The following LRP1B variants were observed in gnomAD, a reference collection of about 807,000 sequenced individuals.
LRP1B encodes the protein LDL receptor related protein 1B.
In LRP1B, 217 loss-of-function variants were observed where a neutral mutation model predicts 556.6. That is an observed-to-expected ratio of 0.39 (90% CI 0.35 to 0.44). LRP1B has a LOEUF of 0.44. Ranked by LOEUF, LRP1B falls within the 20% of genes least tolerant of loss-of-function variation. The probability of loss-of-function intolerance (pLI) is 1.00; values close to 1 mark genes in which losing one functional copy is unlikely to be tolerated. For missense variants in LRP1B, 5,053 were observed against 5,620.8 expected (o/e 0.90, Z 3.23); for synonymous variants, 2,047 against 1,865.8 (o/e 1.10, Z -2.50).
At chr2:141,699,035 TTC>T (rs1691840410) in intron 2 of LRP1B, among the ~76,000 whole-genome samples, 1 of 152,038 alleles carries the variant, frequency 6.6e-6, no homozygotes, top group African/African-American at 2.4e-5. Context: ...TCTTCTCTCA[TTC>T]TCTCTGTCTT....
chr2:140,283,992 TA>T (rs1683021255), intron 84 of LRP1B, among the ~76,000 whole-genome samples: 1 of 151,522 alleles, frequency 6.6e-6, no homozygotes, highest in Admixed American at 6.6e-5. Flanking sequence ...AATAAGTGAA[TA>T]AGCATATGAA....
At chr2:141,064,170 A>G (rs1699416116) in intron 7 of LRP1B, among the ~76,000 whole-genome samples, 1 of 152,026 alleles carries the variant, frequency 6.6e-6, no homozygotes, top group African/African-American at 2.4e-5. Context: ...AGACATCTAA[A>G]ACAGAGAATT....
intron 7 of LRP1B, among the ~76,000 whole-genome samples, chr2:141,119,371 C>CT (rs1700986323): frequency 6.6e-6 from 1 of 151,822 alleles, no homozygotes; most frequent in Non-Finnish European, 1.5e-5. Flanking sequence ...ATTTAGGGGT[C>CT]TCTATGCATT....
intron 15 of LRP1B, among the ~76,000 whole-genome samples, chr2:140,998,182 T>C (rs563147302): frequency 2.0e-5 from 3 of 152,156 alleles, no homozygotes; most frequent in East Asian, 3.9e-4. Context: ...TGACACATAA[T>C]TGTGCAATGC....
chr2:140,915,716 C>G (rs190566401), intron 21 of LRP1B, among the ~76,000 whole-genome samples: 1 of 150,216 alleles, frequency 6.7e-6, no homozygotes, highest in Non-Finnish European at 1.5e-5. Context: ...CCCTCCTGGA[C>G]AAAAAGGAGA....
At chr2:140,813,883 A>AG (rs1186834222) in intron 31 of LRP1B, 77 bp from the exon 32 acceptor site, 25 of 1,033,124 alleles carry the variant, frequency 2.4e-5, no homozygotes, top group Middle Eastern at 2.3e-4. Flanking sequence ...ACTGGATTTG[A>AG]GGGGAAAAAA....
intron 3 of LRP1B, among the ~76,000 whole-genome samples, chr2:141,462,589 A>T (rs569456755): frequency 4.7e-4 from 72 of 152,302 alleles, no homozygotes; most frequent in African/African-American, 1.7e-3. Flanking sequence ...ATAGCAAACA[A>T]CCATGGCACA....
intron 1 of LRP1B, among the ~76,000 whole-genome samples, chr2:142,060,441 TGCCTC>T (rs1241572064): frequency 6.6e-6 from 1 of 152,116 alleles, no homozygotes; most frequent in Admixed American, 6.6e-5. Context: ...CAGGAGAGTC[TGCCTC>T]TGCTGATCCA....
chr2:142,124,081 T>C (rs1707555582), intron 1 of LRP1B, among the ~76,000 whole-genome samples: 1 of 150,190 alleles, frequency 6.7e-6, no homozygotes, highest in South Asian at 2.1e-4. Flanking sequence ...TGTGAAGGTT[T>C]GTTACATAGG....
In LRP1B at chr2:141,048,227, A is replaced by T. The variant is rs1378308903; in HGVS notation, c.1789+759T>A. Among the ~76,000 whole-genome samples, 4 of 152,128 alleles carry T rather than the reference A, an allele frequency of 2.6e-5. No individual in the cohort carries two copies. The East Asian group carries it at 5.8e-4, about 22-fold the overall frequency. ...GTAAGCAGACTTTATACATGAGGAA[A>T]CAGGTCCAGAATCATTAGTTAACAT... is the stretch of plus-strand genomic sequence containing the variant. On this transcript the variant is annotated intron_variant, in intron 11 of 90. Coordinates refer to ENST00000389484, the MANE Select transcript of LRP1B (RefSeq NM_018557.3).
intron 7 of LRP1B, among the ~76,000 whole-genome samples, chr2:141,119,900 A>G (rs1198292563): frequency 6.6e-6 from 1 of 151,928 alleles, no homozygotes; most frequent in East Asian, 1.9e-4. Flanking sequence ...TGAGTCATCT[A>G]TCACCCTGAA....
At chr2:140,615,263 A>T (rs1683216355) in intron 41 of LRP1B, among the ~76,000 whole-genome samples, 1 of 152,236 alleles carries the variant, frequency 6.6e-6, no homozygotes, top group Non-Finnish European at 1.5e-5. Flanking sequence ...AAACTGACTC[A>T]GTGTAAAAAG....
rs185481577 is a variant in LRP1B, at chr2:140,792,929, C to G, written c.5360-16691G>C. ...GTTTTATGAAAGATAATTACAATAT[C>G]TATAATTTCCAAAATAAAGGAAAAT... On this transcript the variant is annotated intron_variant, in intron 32 of 90. Coordinates refer to ENST00000389484, the MANE Select transcript of LRP1B (RefSeq NM_018557.3). 3.4e-3 allele frequency among the ~76,000 whole-genome samples: 514 copies of G among 151,892 alleles called. 7 individuals carry two copies. The highest frequency in any genetic ancestry group is 0.012 in the African/African-American group (481 of 41,460).
At chr2:141,604,442 G>C (rs1239025515) in intron 2 of LRP1B, among the ~76,000 whole-genome samples, 4 of 152,032 alleles carry the variant, frequency 2.6e-5, no homozygotes, top group Non-Finnish European at 2.9e-5. Context: ...TAGGCAGAGA[G>C]GGGTGGGTCT....
At chr2:140,717,556 A>G (rs1316731653) in intron 35 of LRP1B, among the ~76,000 whole-genome samples, 1 of 152,124 alleles carries the variant, frequency 6.6e-6, no homozygotes, top group Non-Finnish European at 1.5e-5. Flanking sequence ...TAAATGAAAT[A>G]TATGTGCATG....
intron 2 of LRP1B, among the ~76,000 whole-genome samples, chr2:141,599,070 C>A (rs1574123751): frequency 1.6e-4 from 16 of 99,758 alleles, no homozygotes; most frequent in African/African-American, 6.4e-4. Flanking sequence ...CCCCCCCCCC[C>A]CCCCGCTTTA....
chr2:141,175,792 C>A (rs931108966), intron 7 of LRP1B, among the ~76,000 whole-genome samples: 4 of 152,066 alleles, frequency 2.6e-5, no homozygotes, highest in African/African-American at 9.7e-5. Flanking sequence ...CACCATGCAC[C>A]TGGAAAAGGC....
chr2:140,443,217 C>T (rs889240394), intron 65 of LRP1B, among the ~76,000 whole-genome samples: 10 of 152,160 alleles, frequency 6.6e-5, no homozygotes, highest in South Asian at 2.1e-4. Context: ...CCTACCACTG[C>T]GCCCAGCTAA....
intron 49 of LRP1B, among the ~76,000 whole-genome samples, chr2:140,517,626 A>C (rs1329806564): frequency 6.6e-6 from 1 of 151,576 alleles, no homozygotes; most frequent in East Asian, 1.9e-4. Flanking sequence ...TTATTTTGTA[A>C]ATTATATATA....
Sources: gnomAD v4.1 joint callset for allele counts (sites outside exome capture counted in the v4.1 genomes callset) on GRCh38, gnomAD v4.1.1 for gene constraint, MANE v1.5 for transcripts, NCBI Gene and HGNC (gene_info 2026-07-23, HGNC 2026-07-21) for gene names.